The following AQR variants were observed in gnomAD, a reference collection of about 807,000 sequenced individuals.
AQR encodes the protein RNA helicase aquarius.
AQR carries 61 observed loss-of-function variants against 180.5 expected under a neutral mutation model. The ratio of observed to expected loss-of-function variants is 0.34; its 90% CI spans 0.28 to 0.42. The LOEUF (loss-of-function observed/expected upper bound fraction) is 0.42, where lower values mean the gene tolerates loss of function less well. Ranked by LOEUF, AQR falls within the 10% of genes least tolerant of loss-of-function variation. The pLI is 1.00. For synonymous variants in AQR, 551 were observed against 588.8 expected (o/e 0.94, Z 0.93); for missense variants, 1,281 against 1,798.3 (o/e 0.71, Z 5.20).
intron 3 of AQR, among the ~76,000 whole-genome samples, chr15:34,953,702 T>C (rs1057240993): frequency 6.6e-6 from 1 of 152,308 alleles, no homozygotes; most frequent in Middle Eastern, 3.4e-3. Context: ...ACACTCTAAA[T>C]CTCCAACTGC....
chr15:34,879,554 G>C (rs1170907751), intron 27 of AQR, among the ~76,000 whole-genome samples: 1 of 152,110 alleles, frequency 6.6e-6, no homozygotes, highest in African/African-American at 2.4e-5. Context: ...AGCCAGCATG[G>C]GGACATAGAT....
At position 34,878,484 on chromosome 15, in the gene AQR, G is replaced by A. The variant is rs115073892; in HGVS notation, c.3166-2478C>T. ...TTGTAAACATAGAATTTTGTACATT[G>A]TAAACACAGAACTTGGTACATAGCT... On this transcript the variant is annotated intron_variant, in intron 27 of 34. Coordinates refer to ENST00000156471, the MANE Select transcript of AQR (RefSeq NM_014691.3). Among the ~76,000 whole-genome samples the A allele has an allele frequency of 8.6e-3, 1,271 of 146,980 alleles. 19 individuals carry two copies. Among genetic ancestry groups the A allele is most frequent in the African/African-American group, 0.03 (1,222 of 40,338 alleles).
intron 34 of AQR, among the ~76,000 whole-genome samples, chr15:34,857,340 C>A (rs1595777790): frequency 6.6e-6 from 1 of 152,180 alleles, no homozygotes; most frequent in African/African-American, 2.4e-5. Context: ...GGAAAACAAC[C>A]ATGAAAAGCT....
At chr15:34,876,600 C>T (rs1003651490) in intron 27 of AQR, among the ~76,000 whole-genome samples, 3 of 152,122 alleles carry the variant, frequency 2.0e-5, no homozygotes, top group Admixed American at 6.6e-5. Flanking sequence ...AAACTCCTTA[C>T]TAGTTCCTCC....
intron 11 of AQR, among the ~76,000 whole-genome samples, chr15:34,930,849 T>G (rs1893846088): frequency 3.0e-5 from 1 of 32,854 alleles, no homozygotes; most frequent in South Asian, 1.8e-3. Flanking sequence ...TTTTTTTTTT[T>G]GGTCTGAGAC....
intron 16 of AQR, among the ~76,000 whole-genome samples, chr15:34,913,391 G>T (rs2140482442): frequency 6.6e-6 from 1 of 152,178 alleles, no homozygotes; most frequent in African/African-American, 2.4e-5. Flanking sequence ...GCCTCTGCTG[G>T]TTTTCATCTT....
At chr15:34,957,810 A>G (rs1050601146) in intron 3 of AQR, among the ~76,000 whole-genome samples, 1 of 151,474 alleles carries the variant, frequency 6.6e-6, no homozygotes, top group African/African-American at 2.4e-5. Context: ...CAAAAAAATT[A>G]AAAAATAATA....
At chr15:34,969,459 C>A (rs1389802620) in intron 1 of AQR, 80 bp downstream of exon 1, 22 of 1,499,530 alleles carry the variant, frequency 1.5e-5, no homozygotes, top group Non-Finnish European at 2.0e-5. Context: ...CTCCTAAATC[C>A]TGAAAAAAAA....
In AQR at chr15:34,873,896, A is replaced by T; in HGVS notation, c.3529T>A (p.Phe1177Ile). ...STANAGLLYD[F>I]QLINVEDFQG... ...AAATCTTCAACATTAATGAGCTGGA[A>T]GTCATACAGTAAGCCAGCATTTGCT... Residue 1177 changes from phenylalanine (F) to isoleucine (I), a missense_variant, in exon 30 of 35, where the codon TTC (phenylalanine) becomes ATC (isoleucine). Around this residue, in one of 9 missense-constraint regions of AQR, gnomAD observed 197 missense variants for 320.7 expected, o/e 0.61. Transcript: ENST00000156471. 5.0e-6 allele frequency: 8 copies of T among 1,611,830 alleles called. No homozygotes were observed. Among genetic ancestry groups the T allele is most frequent in the Non-Finnish European group, 6.8e-6 (8 of 1,178,690 alleles).
rs34949352 is a variant in AQR, at chr15:34,882,465, T to TAAAAAAAAAAAAAAAAAAAAAA, written c.3165+36_3165+37insTTTTTTTTTTTTTTTTTTTTTT. ...GAAGTGAGCCAATCTCTGATAATCT[T>TAAAAAAAAAAAAAAAAAAAAAA]AAAAAAAAAAAAAAAAAAACTACCA... On this transcript the variant is annotated intron_variant, in intron 27 of 34. Coordinates refer to ENST00000156471, the MANE Select transcript of AQR (RefSeq NM_014691.3). 4 of 1,200,464 alleles carry TAAAAAAAAAAAAAAAAAAAAAA rather than the reference T, an allele frequency of 3.3e-6. No homozygotes were observed. The African/African-American group carries it at 5.5e-5, about 17-fold the overall frequency. 74.4% of individuals were successfully genotyped at this position (1,200,464 alleles called of 1,614,324 possible).
At position 34,910,320 on chromosome 15, in the gene AQR, C is replaced by T. The variant is rs1316295518; in HGVS notation, c.1485-7G>A. 5.0e-6 allele frequency: 8 copies of T among 1,609,800 alleles called. No individual in the cohort carries two copies. Among genetic ancestry groups the T allele is most frequent in the Non-Finnish European group, 5.9e-6 (7 of 1,176,794 alleles). ...ACCGCCATATTCAGATTGCCTGAAA[C>T]CAAAGAAATGGATGATTACTCAAAC... On this transcript the variant is annotated splice_polypyrimidine_tract_variant and splice_region_variant and intron_variant, in intron 16 of 34. Transcript: ENST00000156471.
At chr15:34,939,922 C>A (rs992522919) in intron 8 of AQR, among the ~76,000 whole-genome samples, 2 of 152,114 alleles carry the variant, frequency 1.3e-5, no homozygotes, top group African/African-American at 4.8e-5. Flanking sequence ...AGTCATACAG[C>A]AATTGAGTGT....
chr15:34,926,035 C>G (rs1164242592), intron 13 of AQR, among the ~76,000 whole-genome samples: 1 of 149,624 alleles, frequency 6.7e-6, no homozygotes. Context: ...GGCGTGGTGG[C>G]GGGCGCCTGT....
At chr15:34,931,240 G>A (rs1893854697) in intron 11 of AQR, among the ~76,000 whole-genome samples, 1 of 152,076 alleles carries the variant, frequency 6.6e-6, no homozygotes, top group South Asian at 2.1e-4. Flanking sequence ...TGCTAACGAG[G>A]CTCTGATGTC....
At chr15:34,900,946 C>CTA in intron 19 of AQR, 83 bp from the exon 20 acceptor site, 6 of 1,481,736 alleles carry the variant, frequency 4.0e-6, no homozygotes, top group Non-Finnish European at 5.4e-6. Flanking sequence ...GCTGGCTGCA[C>CTA]TAATCCAGAA....
In AQR at chr15:34,890,132, T is replaced by C. The variant is rs918828169; in HGVS notation, c.2681+83A>G. On this transcript the variant is annotated intron_variant, in intron 24 of 34. Coordinates refer to ENST00000156471, the MANE Select transcript of AQR (RefSeq NM_014691.3). ...TTTCAGAATTAAGTTTCAGTATTCA[T>C]TGCTTTCTTCTTCTTTAATAAAAGA... The C allele has an allele frequency of 1.1e-5, 14 of 1,238,820 alleles. No homozygotes were observed. The South Asian group carries it at 1.8e-4, about 16-fold the overall frequency. 76.7% of individuals were successfully genotyped at this position (1,238,820 alleles called of 1,614,324 possible). A position where few individuals can be genotyped will look rare whatever the true frequency, so the allele number is the denominator to read the frequency against.
chr15:34,963,769 T>C (rs1030769303), intron 2 of AQR, among the ~76,000 whole-genome samples: 1 of 150,736 alleles, frequency 6.6e-6, no homozygotes, highest in African/African-American at 2.5e-5. Context: ...GTTCACGCCA[T>C]TCTCCTGCCT....
Position 34,854,560 on chromosome 15 carries a change from A to T in AQR, c.*2232T>A, listed in dbSNP as rs1469757035. The T allele has an allele frequency of 6.6e-6, 1 of 152,180 alleles. No homozygotes were observed. The highest frequency in any genetic ancestry group is 1.9e-4 in the East Asian group (1 of 5,192). 9.4% of individuals were successfully genotyped at this position (152,180 alleles called of 1,614,324 possible). ...GTACAGCTCTTAAATTCCTTCAAAA[A>T]TTCCCAAGATTCTACAGTCAACTGC... On this transcript the variant is annotated 3_prime_UTR_variant, in exon 35 of 35. Transcript: ENST00000156471.
chr15:34,881,078 G>A (rs1892966781), intron 27 of AQR, among the ~76,000 whole-genome samples: 1 of 152,156 alleles, frequency 6.6e-6, no homozygotes, highest in South Asian at 2.1e-4. Flanking sequence ...TTAGAACACA[G>A]GCAAAAGCTC....
Sources: allele counts gnomAD v4.1 joint callset (sites outside exome capture counted in the v4.1 genomes callset), GRCh38; gene constraint gnomAD v4.1.1; regional missense constraint gnomAD v4.1.1; transcripts MANE v1.5; gene names NCBI Gene and HGNC (gene_info 2026-07-23, HGNC 2026-07-21).